Variants in BICC1 observed in about 807,000 individuals in gnomAD.
The protein encoded by BICC1 is BicC family RNA binding protein 1, also known as protein bicaudal C homolog 1.
A neutral mutation model predicts 111.0 loss-of-function variants in BICC1; 43 were observed. That is an observed-to-expected ratio of 0.39 (90% CI 0.30 to 0.50). The LOEUF is 0.50. Among genes scored for constraint, BICC1 ranks in the 20% least tolerant of loss-of-function variants. The probability of loss-of-function intolerance (pLI) is 0.88; values close to 1 mark genes in which losing one functional copy is unlikely to be tolerated. For synonymous variants in BICC1, 467 were observed against 434.4 expected, an observed-to-expected ratio of 1.07 and a Z score of -0.93; for missense variants, 1,091 against 1,203.2, an observed-to-expected ratio of 0.91 and a Z score of 1.38.
At position 58,788,310 on chromosome 10, in the gene BICC1, G is replaced by A. The variant is rs1377547433; in HGVS notation, c.547-60G>A. On this transcript the variant is annotated intron_variant, in intron 5 of 20. Coordinates refer to ENST00000373886, the MANE Select transcript of BICC1 (RefSeq NM_001080512.3). The stretch of plus-strand genomic sequence containing the variant: ...TTAGTAGCAAGCATATAGATGAACT[G>A]GAAAAGAGATGTGAGTTTGATTAAA... 4 of 1,279,808 alleles carry A rather than the reference G, an allele frequency of 3.1e-6. No homozygotes were observed. The African/African-American group carries it at 5.9e-5, about 19-fold the overall frequency. 79.3% of individuals were successfully genotyped at this position (1,279,808 alleles called of 1,614,324 possible).
At chr10:58,819,189 G>A (rs138030190) in intron 19 of BICC1, among the ~76,000 whole-genome samples, 169 of 152,214 alleles carry the variant, frequency 1.1e-3, no homozygotes, top group African/African-American at 3.9e-3. Context: ...TGACATTGTG[G>A]CCCACAAAGC....
chr10:58,599,347 G>A (rs1844946199), intron 1 of BICC1, among the ~76,000 whole-genome samples: 1 of 152,106 alleles, frequency 6.6e-6, no homozygotes, highest in Non-Finnish European at 1.5e-5. Flanking sequence ...CATTTCCTTT[G>A]CCAGGACGTG....
At chr10:58,793,384 A>C (rs1364662158) in intron 8 of BICC1, 100 bp from the exon 9 acceptor site, 3 of 1,134,236 alleles carry the variant, frequency 2.6e-6, no homozygotes, top group Admixed American at 2.5e-5. Flanking sequence ...TTAGTCTTTA[A>C]ATCTGTAAAA....
intron 3 of BICC1, among the ~76,000 whole-genome samples, chr10:58,742,814 TATTGATTG>T (rs1841712016): frequency 6.6e-6 from 1 of 152,154 alleles, no homozygotes; most frequent in South Asian, 2.1e-4. Flanking sequence ...TATTCTTAAA[TATTGATTG>T]ATTGAAGCTG....
chr10:58,556,592 T>A (rs564252726), intron 1 of BICC1, among the ~76,000 whole-genome samples: 73 of 152,152 alleles, frequency 4.8e-4, no homozygotes, highest in Admixed American at 1.4e-3. Flanking sequence ...CCTTTTTTTT[T>A]AAAAATCACT....
intron 1 of BICC1, among the ~76,000 whole-genome samples, chr10:58,528,022 A>C (rs540788542): frequency 6.6e-6 from 1 of 152,112 alleles, no homozygotes; most frequent in South Asian, 2.1e-4. Flanking sequence ...GGTATTTTTC[A>C]AATTCATATT....
At chr10:58,710,072 C>T (rs1478410734) in intron 3 of BICC1, among the ~76,000 whole-genome samples, 1 of 152,168 alleles carries the variant, frequency 6.6e-6, no homozygotes, top group African/African-American at 2.4e-5. Flanking sequence ...GGGTCAGGCA[C>T]TGTGCTAAAT....
chr10:58,554,637 A>C (rs1296659446), intron 1 of BICC1, among the ~76,000 whole-genome samples: 1 of 152,104 alleles, frequency 6.6e-6, no homozygotes, highest in Admixed American at 6.6e-5. Context: ...TTGTGTGTTT[A>C]CTAGAACAGC....
chr10:58,659,655 G>A (rs560663717), intron 2 of BICC1, among the ~76,000 whole-genome samples: 23 of 152,148 alleles, frequency 1.5e-4, no homozygotes, highest in African/African-American at 5.1e-4. Context: ...CACGGAACGC[G>A]CATGACACAC....
chr10:58,624,519 A>G (rs564161514), intron 2 of BICC1, among the ~76,000 whole-genome samples: 1 of 152,314 alleles, frequency 6.6e-6, no homozygotes, highest in Non-Finnish European at 1.5e-5. Flanking sequence ...AGTCATTTCT[A>G]AATTGTCTAC....
chr10:58,615,737 C>T (rs1845581434), intron 1 of BICC1, among the ~76,000 whole-genome samples: 1 of 152,150 alleles, frequency 6.6e-6, no homozygotes, highest in Admixed American at 6.5e-5. Context: ...CTTCGGTCCC[C>T]ACTGATTCCA....
chr10:58,755,150 G>A (rs979837369), intron 3 of BICC1, among the ~76,000 whole-genome samples: 1 of 152,030 alleles, frequency 6.6e-6, no homozygotes, highest in African/African-American at 2.4e-5. Context: ...AGTTGTTTTG[G>A]GCTTGGTGAC....
At chr10:58,768,136 C>A (rs1246997068) in intron 3 of BICC1, among the ~76,000 whole-genome samples, 1 of 152,006 alleles carries the variant, frequency 6.6e-6, no homozygotes, top group African/African-American at 2.4e-5. Context: ...AAAACTTCAC[C>A]AAGACACATA....
At chr10:58,586,427 G>A (rs1344322358) in intron 1 of BICC1, among the ~76,000 whole-genome samples, 1 of 151,888 alleles carries the variant, frequency 6.6e-6, no homozygotes, top group African/African-American at 2.4e-5. Context: ...GTCAGGCACT[G>A]CTGTTAACAG....
At chr10:58,795,165 GA>G (rs1293406113) in intron 9 of BICC1, among the ~76,000 whole-genome samples, 1 of 152,028 alleles carries the variant, frequency 6.6e-6, no homozygotes, top group Non-Finnish European at 1.5e-5. Flanking sequence ...TTTAAATTTT[GA>G]AACTATAAAT....
chr10:58,815,825 A>C (rs959129169), intron 18 of BICC1, among the ~76,000 whole-genome samples: 1 of 152,210 alleles, frequency 6.6e-6, no homozygotes, highest in African/African-American at 2.4e-5. Flanking sequence ...GATTCCTTTT[A>C]AATATGTAAT....
intron 17 of BICC1, among the ~76,000 whole-genome samples, chr10:58,810,736 A>C (rs544166360): frequency 6.6e-6 from 1 of 152,370 alleles, no homozygotes; most frequent in East Asian, 1.9e-4. Context: ...TTATTAAAAT[A>C]GAGACCACAT....
Position 58,830,618 on chromosome 10 carries a change from T to A in BICC1, c.*1727T>A, listed in dbSNP as rs1934754925. On this transcript the variant is annotated 3_prime_UTR_variant, in exon 21 of 21. Coordinates refer to ENST00000373886, the MANE Select transcript of BICC1 (RefSeq NM_001080512.3). ...TTTGCACACAGAAACATTCTCACTT[T>A]AAAAAATGGTATTGGTTACCTTGAA... 6.6e-6 allele frequency: 1 copy of A among 152,156 alleles called. No homozygotes were observed. Among genetic ancestry groups the A allele is most frequent in the Non-Finnish European group, 1.5e-5 (1 of 68,018 alleles). The allele number at this position is 152,156 out of a possible 1,614,324, so 9.4% of individuals were successfully genotyped here.
rs1283277958 is a variant in BICC1 at position 58,514,651 on chromosome 10, A to G, written c.190+1318A>G. On this transcript the variant is annotated intron_variant, in intron 1 of 20. Coordinates refer to ENST00000373886, the MANE Select transcript of BICC1 (RefSeq NM_001080512.3). ...TTGACAAACATCCCTAATGTGTGTC[A>G]TGTCTTTCTCTGTCTCTCCCCTTCC... 2.1e-5 allele frequency among the ~76,000 whole-genome samples: 3 copies of G among 145,950 alleles called. No homozygotes were observed. In the East Asian group the frequency reaches 6.1e-4, roughly 29 times the overall value.
Sources: gnomAD v4.1 joint callset for allele counts (sites outside exome capture counted in the v4.1 genomes callset) on GRCh38, gnomAD v4.1.1 for gene constraint, MANE v1.5 for transcripts, NCBI Gene and HGNC (gene_info 2026-07-23, HGNC 2026-07-21) for gene names.